Variants in MDN1 observed in about 807,000 individuals in gnomAD.
The protein encoded by MDN1 is midasin.
Under a neutral mutation model 669.2 loss-of-function variants are expected in MDN1, and 266 were observed. The observed-to-expected ratio is 0.40, with a 90% confidence interval of 0.36 to 0.44. The LOEUF is 0.44. Among genes scored for constraint, MDN1 ranks in the 20% least tolerant of loss-of-function variants. MDN1 has a pLI of 1.00. For synonymous variants in MDN1, 2,385 were observed against 2,457.1 expected (o/e 0.97, Z 0.87); for missense variants, 5,940 against 6,754.0 (o/e 0.88, Z 4.22).
intron 37 of MDN1, among the ~76,000 whole-genome samples, chr6:89,726,474 G>GAAAAAAAA (rs1815242884): frequency 1.4e-5 from 1 of 74,022 alleles, no homozygotes; most frequent in African/African-American, 5.2e-5. Flanking sequence ...AAAAAAAAAA[G>GAAAAAAAA]AAAAATAGAA....
intron 50 of MDN1, among the ~76,000 whole-genome samples, chr6:89,709,140 A>G (rs1352299117): frequency 6.6e-6 from 1 of 152,220 alleles, no homozygotes; most frequent in African/African-American, 2.4e-5. Context: ...CACACCTGAC[A>G]CAACTTCTGT....
At chr6:89,673,496 G>T (rs966139308) in intron 79 of MDN1, 34 bp from the exon 80 acceptor site, 2 of 1,582,738 alleles carry the variant, frequency 1.3e-6, no homozygotes, top group Non-Finnish European at 1.7e-6. Flanking sequence ...TGAAAGGAAT[G>T]CATTACAGTT....
At chr6:89,761,823 T>A (rs1817565126) in intron 16 of MDN1, 75 bp from the exon 17 acceptor site, 7 of 1,060,666 alleles carry the variant, frequency 6.6e-6, no homozygotes, top group Middle Eastern at 2.4e-4. Context: ...ACAAATACAA[T>A]TAACAAAACA....
intron 33 of MDN1, 49 bp downstream of exon 33, chr6:89,738,277 C>G (rs1270558065): frequency 5.0e-6 from 8 of 1,599,170 alleles, no homozygotes; most frequent in Non-Finnish European, 6.0e-6. Context: ...ACTCCCAACA[C>G]AAACCCTTCT....
chr6:89,708,093 G>A (rs1050758120), intron 51 of MDN1, among the ~76,000 whole-genome samples: 1 of 152,080 alleles, frequency 6.6e-6, no homozygotes, highest in Admixed American at 6.6e-5. Flanking sequence ...CTTGAGCTTA[G>A]AAGTTTAAGA....
At chr6:89,662,701 AAAAG>A (rs1407498525) in intron 86 of MDN1, 87 bp downstream of exon 86, 119 of 1,373,332 alleles carry the variant, frequency 8.7e-5, no homozygotes, top group Non-Finnish European at 1.2e-4. Context: ...CAAATACAGA[AAAAG>A]AAGAGAAGTA....
At chr6:89,720,099 G>A (rs1457393666) in intron 40 of MDN1, among the ~76,000 whole-genome samples, 1 of 151,954 alleles carries the variant, frequency 6.6e-6, no homozygotes, top group East Asian at 1.9e-4. Context: ...ATACTACAAT[G>A]AAGTTAAAAA....
chr6:89,739,263 C>A (rs1441879546), intron 32 of MDN1, among the ~76,000 whole-genome samples: 1 of 152,120 alleles, frequency 6.6e-6, no homozygotes, highest in Non-Finnish European at 1.5e-5. Context: ...AGTCAGCAAG[C>A]ATTGACTTGA....
In MDN1 at chr6:89,686,988, C is replaced by T. The variant is rs200420401; in HGVS notation, c.11486G>A (p.Arg3829His). The T allele has an allele frequency of 6.2e-6, 10 of 1,603,584 alleles. No individual in the cohort carries two copies. Among genetic ancestry groups the T allele is most frequent in the African/African-American group, 4.1e-5 (3 of 73,460 alleles). Residue 3829 changes from arginine (R) to histidine (H), a missense_variant, in exon 69 of 102, where the codon CGC becomes CAC. This residue lies in a region of MDN1 where 2,280 missense variants were observed against 2,576.3 expected (regional missense o/e 0.88). Transcript: ENST00000369393. ...GTGCTTGGTGGATTTCTCGGTGTGG[C>T]GCTTCATAGTATTATCCAAACTCAT... ...WSMSLDNTMK[R>H]HTEKSTKHWF...
intron 49 of MDN1, 97 bp downstream of exon 49, chr6:89,711,939 A>T: frequency 9.0e-7 from 1 of 1,110,172 alleles, no homozygotes; most frequent in Non-Finnish European, 1.3e-6. Flanking sequence ...CTGTAATTTT[A>T]ACAGTGTAGT....
rs1180962386 is a variant in MDN1 at position 89,695,848 on chromosome 6, C to G, written c.9528G>C (p.Val3176=). The G allele has an allele frequency of 3.7e-6, 6 of 1,613,752 alleles. No homozygotes were observed. In the Middle Eastern group the frequency reaches 1.0e-3, roughly 268 times the overall value. Reference sequence around the variant, plus strand: ...CAGCCATGTCCCCAAGTGTCTGGCCCACATGCTGGAAGGCCTGGCTGCTCC... The same window carrying G: ...CAGCCATGTCCCCAAGTGTCTGGCCGACATGCTGGAAGGCCTGGCTGCTCC... ...LLGSSQAFQH[V]GQTLGDMAGQ... Residue 3176 remains valine, a synonymous_variant, in exon 61 of 102, where the codon GTG becomes GTC. Transcript: ENST00000369393. The surrounding 1 kb of genome is among the most constrained non-coding windows in gnomAD (Gnocchi z 4.1).
At chr6:89,782,876 C>T (rs989659973) in intron 9 of MDN1, among the ~76,000 whole-genome samples, 6 of 152,080 alleles carry the variant, frequency 3.9e-5, no homozygotes, top group Non-Finnish European at 7.4e-5. Context: ...AAATAAATTG[C>T]GAAGATTTCA....
rs973498812 is a variant in MDN1, at chr6:89,695,448, G to A, written c.9771+157C>T. On this transcript the variant is annotated intron_variant, in intron 61 of 101. Coordinates refer to ENST00000369393, the MANE Select transcript of MDN1 (RefSeq NM_014611.3). This position sits in a 1 kb window ranked among gnomAD's most constrained non-coding sequence, Gnocchi z 4.1. ...GACAACTCTCAAAGGGGAAAATACAGTCTCTAAAACAGACTCCTGGGAAGT... is the reference window on the plus strand; with the variant it reads ...GACAACTCTCAAAGGGGAAAATACAATCTCTAAAACAGACTCCTGGGAAGT... Among the ~76,000 whole-genome samples the A allele has an allele frequency of 2.0e-5, 3 of 152,164 alleles. No individual in the cohort carries two copies. Among genetic ancestry groups the A allele is most frequent in the Non-Finnish European group, 4.4e-5 (3 of 68,032 alleles).
At chr6:89,761,347 G>T (rs1018411805) in intron 17 of MDN1, among the ~76,000 whole-genome samples, 1 of 152,142 alleles carries the variant, frequency 6.6e-6, no homozygotes, top group Non-Finnish European at 1.5e-5. Context: ...TATTTGAGAT[G>T]ATGAATATTC....
chr6:89,699,506 T>C (rs543366201), intron 58 of MDN1, 95 bp downstream of exon 58: 5 of 1,409,370 alleles, frequency 3.5e-6, no homozygotes, highest in Admixed American at 4.9e-5. Context: ...ATATGGAATT[T>C]TGAGAATAAA....
intron 91 of MDN1, among the ~76,000 whole-genome samples, chr6:89,656,201 C>G (rs1250577179): frequency 6.6e-6 from 1 of 152,046 alleles, no homozygotes; most frequent in Non-Finnish European, 1.5e-5. Flanking sequence ...TTTCACACAT[C>G]CATATATGTC....
intron 87 of MDN1, 24 bp downstream of exon 87, chr6:89,662,062 CG>C (rs1809814564): frequency 1.2e-6 from 2 of 1,600,902 alleles, no homozygotes; most frequent in African/African-American, 2.7e-5. Flanking sequence ...GTCAAGAGAG[CG>C]GATCAGTTTC....
At chr6:89,750,705 T>G (rs1473221330) in intron 23 of MDN1, among the ~76,000 whole-genome samples, 173 bp from the exon 24 acceptor site, 2 of 152,170 alleles carry the variant, frequency 1.3e-5, no homozygotes, top group Admixed American at 1.3e-4. Flanking sequence ...CAGGCTCAAG[T>G]GATCCTCCCA....
chr6:89,803,265 T>C (rs1767779215), intron 2 of MDN1, 63 bp downstream of exon 2: 1 of 1,396,502 alleles, frequency 7.2e-7, no homozygotes, highest in Non-Finnish European at 1.0e-6. Context: ...CTCCCTTACA[T>C]CCCAGGAGAC....
Sources: gnomAD v4.1 joint callset for allele counts (sites outside exome capture counted in the v4.1 genomes callset) on GRCh38, gnomAD v4.1.1 for gene constraint, gnomAD v4.1.1 regional missense constraint, Gnocchi (gnomAD v3.1) non-coding constraint, MANE v1.5 for transcripts, NCBI Gene and HGNC (gene_info 2026-07-23, HGNC 2026-07-21) for gene names.